The following ADAMTSL1 variants were observed in gnomAD, a reference collection of about 807,000 sequenced individuals.
The protein encoded by ADAMTSL1 is ADAMTS like 1.
ADAMTSL1 carries 126 observed loss-of-function variants against 201.8 expected under a neutral mutation model. That is an observed-to-expected ratio of 0.62 (90% CI 0.54 to 0.72). The LOEUF (loss-of-function observed/expected upper bound fraction) is 0.72. Ranked by LOEUF, ADAMTSL1 falls within the 30% of genes least tolerant of loss-of-function variation. ADAMTSL1 has a pLI of 0.00. For synonymous variants in ADAMTSL1, 1,121 were observed against 903.4 expected (o/e 1.24, Z -4.32); for missense variants, 2,679 against 2,277.8 (o/e 1.18, Z -3.59).
chr9:18,049,156 G>T (rs546777250), intron 1 of ADAMTSL1, among the ~76,000 whole-genome samples: 1 of 152,312 alleles, frequency 6.6e-6, no homozygotes, highest in African/African-American at 2.4e-5. Flanking sequence ...TCTCTCTTAA[G>T]ATCCTCAACT....
chr9:18,811,012 C>CAAAAAAAAAAAAA (rs76456235), intron 20 of ADAMTSL1, among the ~76,000 whole-genome samples: 24 of 38,786 alleles, frequency 6.2e-4, no homozygotes, highest in East Asian at 9.9e-4. Flanking sequence ...CAATGAGTAC[C>CAAAAAAAAAAAAA]AAAAAAAAAA....
intron 2 of ADAMTSL1, among the ~76,000 whole-genome samples, chr9:18,389,559 C>A (rs561839128): frequency 6.6e-6 from 1 of 152,116 alleles, no homozygotes; most frequent in African/African-American, 2.4e-5. Flanking sequence ...GAATTGAACT[C>A]CATAATTCTT....
chr9:18,425,659 A>G (rs1201249101), intron 2 of ADAMTSL1, among the ~76,000 whole-genome samples: 2 of 151,936 alleles, frequency 1.3e-5, no homozygotes, highest in Non-Finnish European at 2.9e-5. Flanking sequence ...GTTTGAGACC[A>G]TTATGGCATC....
intron 23 of ADAMTSL1, among the ~76,000 whole-genome samples, chr9:18,881,701 A>G (rs1172687478): frequency 6.6e-6 from 1 of 152,356 alleles, no homozygotes; most frequent in East Asian, 1.9e-4. Context: ...CAGGGTTGCC[A>G]CAAACCTTCA....
chr9:18,087,062 A>G (rs756068325), intron 1 of ADAMTSL1, among the ~76,000 whole-genome samples: 5 of 152,176 alleles, frequency 3.3e-5, no homozygotes, highest in Non-Finnish European at 7.4e-5. Flanking sequence ...TTTTGTTATT[A>G]TATGTTTAAT....
chr9:18,250,779 T>A (rs896834178), intron 2 of ADAMTSL1, among the ~76,000 whole-genome samples: 1 of 152,128 alleles, frequency 6.6e-6, no homozygotes, highest in Non-Finnish European at 1.5e-5. Flanking sequence ...CCGCTCCATG[T>A]TCGAGGCTCC....
At chr9:17,914,172 G>A (rs1825995787) in intron 1 of ADAMTSL1, among the ~76,000 whole-genome samples, 1 of 152,158 alleles carries the variant, frequency 6.6e-6, no homozygotes, top group South Asian at 2.1e-4. Flanking sequence ...CTCATTTTAT[G>A]AGGCCAGCAT....
intron 11 of ADAMTSL1, 165 bp downstream of exon 11, chr9:18,680,681 C>G (rs1412672): frequency 0.17 from 111,005 of 663,228 alleles, 9,890 homozygotes; most frequent in South Asian, 0.23. Flanking sequence ...CCAGCATGAC[C>G]AAAAGTAAAT....
At chr9:18,596,907 G>C (rs1034060997) in intron 4 of ADAMTSL1, among the ~76,000 whole-genome samples, 4 of 152,172 alleles carry the variant, frequency 2.6e-5, no homozygotes, top group African/African-American at 9.7e-5. Flanking sequence ...AGGAACTCAT[G>C]TAAGTCCTTC....
intron 2 of ADAMTSL1, among the ~76,000 whole-genome samples, chr9:18,262,886 A>T (rs1396350497): frequency 2.6e-5 from 4 of 152,228 alleles, no homozygotes; most frequent in Non-Finnish European, 5.9e-5. Context: ...AGAACACATC[A>T]TTTGAACTAG....
chr9:18,547,468 G>C (rs1258321959), intron 3 of ADAMTSL1, among the ~76,000 whole-genome samples: 1 of 151,708 alleles, frequency 6.6e-6, no homozygotes, highest in African/African-American at 2.4e-5. Context: ...TAGGCTTTTT[G>C]GCTCCAAGAC....
At chr9:18,659,883 A>G (rs937047671) in intron 8 of ADAMTSL1, among the ~76,000 whole-genome samples, 1 of 151,758 alleles carries the variant, frequency 6.6e-6, no homozygotes, top group African/African-American at 2.4e-5. Context: ...GGCATAGGAA[A>G]TAGTTTCAAG....
chr9:18,108,986 C>T (rs78261336), intron 1 of ADAMTSL1, among the ~76,000 whole-genome samples: 2,191 of 152,116 alleles, frequency 0.014, 51 homozygotes, highest in African/African-American at 0.049. Flanking sequence ...GGGGCTGTAA[C>T]GAATTGATAA....
intron 15 of ADAMTSL1, among the ~76,000 whole-genome samples, chr9:18,727,789 T>C (rs150748286): frequency 1.3e-5 from 2 of 152,304 alleles, no homozygotes; most frequent in East Asian, 1.9e-4. Context: ...TTTGATGATA[T>C]CACTTTGCGG....
chr9:18,029,970 A>G (rs988600744), intron 1 of ADAMTSL1, among the ~76,000 whole-genome samples: 2 of 151,734 alleles, frequency 1.3e-5, no homozygotes, highest in African/African-American at 2.4e-5. Context: ...TAGTTCAACC[A>G]TTGTGGAAGT....
chr9:18,713,758 A>G (rs1460030941), intron 14 of ADAMTSL1, among the ~76,000 whole-genome samples: 3 of 149,260 alleles, frequency 2.0e-5, no homozygotes, highest in Non-Finnish European at 4.5e-5. Flanking sequence ...CCTAATAGAC[A>G]TCTACAGAAC....
chr9:17,955,195 C>G (rs1232199050), intron 1 of ADAMTSL1, among the ~76,000 whole-genome samples: 1 of 152,078 alleles, frequency 6.6e-6, no homozygotes, highest in African/African-American at 2.4e-5. Flanking sequence ...AAGGGCCTGC[C>G]TTTTGTTTGA....
intron 2 of ADAMTSL1, among the ~76,000 whole-genome samples, chr9:18,524,421 A>G (rs1361371945): frequency 1.3e-5 from 2 of 152,176 alleles, no homozygotes; most frequent in African/African-American, 4.8e-5. Context: ...TCCTAATTGA[A>G]TACCCTTTAT....
At chr9:18,009,858 T>C (rs1192807679) in intron 1 of ADAMTSL1, among the ~76,000 whole-genome samples, 1 of 152,066 alleles carries the variant, frequency 6.6e-6, no homozygotes, top group African/African-American at 2.4e-5. Context: ...GGCTTGCAGA[T>C]ATAGGTACTC....
Sources: allele counts gnomAD v4.1 joint callset (sites outside exome capture counted in the v4.1 genomes callset), GRCh38; gene constraint gnomAD v4.1.1; transcripts MANE v1.5; gene names NCBI Gene and HGNC (gene_info 2026-07-23, HGNC 2026-07-21).